LHFPL3: variants seen among roughly 807,000 people sequenced by gnomAD.
LHFPL3 encodes the protein LHFPL tetraspan subfamily member 3 protein.
In LHFPL3, 5 loss-of-function variants were observed where a neutral mutation model predicts 19.3. The observed-to-expected ratio is 0.26, with a 90% CI of 0.14 to 0.54. The LOEUF is 0.54. LHFPL3 is among the 20% of genes least tolerant of loss of function. The pLI is 0.94. For synonymous variants in LHFPL3, 133 were observed against 126.2 expected, an observed-to-expected ratio of 1.05 and a Z score of -0.36; for missense variants, 249 against 307.4, an observed-to-expected ratio of 0.81 and a Z score of 1.42.
At chr7:104,337,812 C>G (rs376716646) in intron 1 of LHFPL3, among the ~76,000 whole-genome samples, 1 of 152,220 alleles carries the variant, frequency 6.6e-6, no homozygotes, top group East Asian at 1.9e-4. Context: ...TAATAGCCAG[C>G]GATATTGTGG....
At chr7:104,688,669 G>T (rs1365345018) in intron 1 of LHFPL3, among the ~76,000 whole-genome samples, 1 of 152,068 alleles carries the variant, frequency 6.6e-6, no homozygotes, top group African/African-American at 2.4e-5. Context: ...AACAGTGATG[G>T]CCTCCCCTGA....
chr7:104,548,072 G>A (rs1025791472), intron 1 of LHFPL3, among the ~76,000 whole-genome samples: 1 of 152,170 alleles, frequency 6.6e-6, no homozygotes, highest in East Asian at 1.9e-4. Flanking sequence ...AAGATTAAAA[G>A]CTGGATACAT....
At chr7:104,861,144 A>G (rs921581865) in intron 2 of LHFPL3, among the ~76,000 whole-genome samples, 11 of 152,198 alleles carry the variant, frequency 7.2e-5, no homozygotes, top group Non-Finnish European at 1.0e-4. Context: ...TTTTTCATCT[A>G]TATTAGTTGT....
chr7:104,734,239 G>C (rs1368995240), intron 1 of LHFPL3, among the ~76,000 whole-genome samples: 2 of 152,112 alleles, frequency 1.3e-5, no homozygotes, highest in African/African-American at 4.8e-5. Context: ...GGCATTCTCT[G>C]TATCTCCTGA....
intron 1 of LHFPL3, among the ~76,000 whole-genome samples, chr7:104,507,223 G>A (rs1331554572): frequency 6.6e-6 from 1 of 151,436 alleles, no homozygotes. Flanking sequence ...CAAGGCTACA[G>A]TAACCAAAAC....
At chr7:104,702,047 C>T (rs1793113709) in intron 1 of LHFPL3, among the ~76,000 whole-genome samples, 1 of 151,906 alleles carries the variant, frequency 6.6e-6, no homozygotes, top group Admixed American at 6.6e-5. Flanking sequence ...CCGTGACAGG[C>T]CCCAGTGTGT....
chr7:104,668,349 G>C, intron 1 of LHFPL3: 4 of 1,593,262 alleles, frequency 2.5e-6, no homozygotes, highest in Non-Finnish European at 8.6e-7. Context: ...AGACTGGAGG[G>C]CTCGTCCTGC....
intron 1 of LHFPL3, among the ~76,000 whole-genome samples, chr7:104,665,602 G>A (rs1466598178): frequency 6.6e-6 from 1 of 152,160 alleles, no homozygotes; most frequent in Admixed American, 6.5e-5. Flanking sequence ...CAAGAGCTAT[G>A]ATTATAGATG....
At position 104,667,755 on chromosome 7, in the gene LHFPL3, G is replaced by A. The variant is rs1792383705; in HGVS notation, c.446-68920G>A. The A allele has an allele frequency of 6.9e-6, 11 of 1,582,942 alleles. No homozygotes were observed. The South Asian group carries it at 7.8e-5, about 11-fold the overall frequency. ...AAGCTTTCCCTCTGCCAACATGGCGGCCTCAGCAAAAAAGAAGAATAAGAA... is the reference window on the plus strand; with the variant it reads ...AAGCTTTCCCTCTGCCAACATGGCGACCTCAGCAAAAAAGAAGAATAAGAA... On this transcript the variant is annotated intron_variant, in intron 1 of 2. Transcript: ENST00000424859.
At chr7:104,717,180 T>G (rs1200209335) in intron 1 of LHFPL3, among the ~76,000 whole-genome samples, 2 of 152,080 alleles carry the variant, frequency 1.3e-5, no homozygotes, top group Non-Finnish European at 2.9e-5. Context: ...GACTTAAAAA[T>G]AAGGCCTAAA....
At chr7:104,338,385 C>G (rs896611614) in intron 1 of LHFPL3, among the ~76,000 whole-genome samples, 1 of 152,118 alleles carries the variant, frequency 6.6e-6, no homozygotes, top group African/African-American at 2.4e-5. Context: ...AGATGTGAAC[C>G]ACTGCGCCCA....
intron 1 of LHFPL3, among the ~76,000 whole-genome samples, chr7:104,387,366 C>T (rs764464561): frequency 6.6e-6 from 1 of 151,490 alleles, no homozygotes; most frequent in Non-Finnish European, 1.5e-5. Context: ...GAAACTTGGT[C>T]TCAAAATTAA....
intron 2 of LHFPL3, among the ~76,000 whole-genome samples, chr7:104,776,743 G>A (rs991807953): frequency 1.3e-5 from 2 of 152,196 alleles, no homozygotes; most frequent in African/African-American, 4.8e-5. Context: ...CAGTTCCCCT[G>A]TATTTGGTTT....
intron 1 of LHFPL3, among the ~76,000 whole-genome samples, chr7:104,675,141 G>T (rs567445850): frequency 1.3e-4 from 20 of 152,350 alleles, no homozygotes; most frequent in African/African-American, 4.6e-4. Flanking sequence ...TCTCCATGGT[G>T]GGAGGCAGTA....
chr7:104,862,553 C>G (rs1791635054), intron 2 of LHFPL3, among the ~76,000 whole-genome samples: 1 of 152,168 alleles, frequency 6.6e-6, no homozygotes, highest in Non-Finnish European at 1.5e-5. Context: ...AGCACATCCT[C>G]AAGGCAAAGG....
At chr7:104,889,250 T>A (rs1261731281) in intron 2 of LHFPL3, among the ~76,000 whole-genome samples, 1 of 152,196 alleles carries the variant, frequency 6.6e-6, no homozygotes, top group East Asian at 1.9e-4. Flanking sequence ...AAACAGCTTG[T>A]CTCCAGGGAG....
At chr7:104,487,190 A>G (rs543194465) in intron 1 of LHFPL3, among the ~76,000 whole-genome samples, 1 of 152,372 alleles carries the variant, frequency 6.6e-6, no homozygotes, top group Admixed American at 6.5e-5. Context: ...TCATAGGCCA[A>G]TTGATATGGA....
At position 104,505,969 on chromosome 7, in the gene LHFPL3, T is replaced by A. The variant is rs6975161; in HGVS notation, c.445+176745T>A. Among the ~76,000 whole-genome samples, 498 of 152,258 alleles carry A rather than the reference T, an allele frequency of 3.3e-3. 4 individuals carry two copies. Among genetic ancestry groups the A allele is most frequent in the African/African-American group, 0.012 (485 of 41,540 alleles). On this transcript the variant is annotated intron_variant, in intron 1 of 2. Transcript: ENST00000424859. ...CTTAATTACACATAATACATAGGCA[T>A]TTCTTTGAAAATGAATGTAATGAAC...
chr7:104,422,121 G>A (rs1034718352), intron 1 of LHFPL3, among the ~76,000 whole-genome samples: 6 of 152,246 alleles, frequency 3.9e-5, no homozygotes, highest in African/African-American at 1.4e-4. Context: ...AGCACTTTGG[G>A]AGGCTGAGGT....
Sources: gnomAD v4.1 joint callset for allele counts (sites outside exome capture counted in the v4.1 genomes callset) on GRCh38, gnomAD v4.1.1 for gene constraint, MANE v1.5 for transcripts, NCBI Gene and HGNC (gene_info 2026-07-23, HGNC 2026-07-21) for gene names.